Variants in RBM11 observed in about 807,000 individuals in gnomAD.
RBM11 encodes RNA binding motif protein 11.
RBM11 carries 18 observed loss-of-function variants against 21.4 expected under a neutral mutation model. That is an observed-to-expected ratio of 0.84 (90% CI 0.58 to 1.25). The LOEUF (loss-of-function observed/expected upper bound fraction) is 1.25, where lower values mean the gene tolerates loss of function less well. Ranked by LOEUF, RBM11 falls within the 50% of genes most tolerant of loss-of-function variation. The pLI is 0.00. For synonymous variants in RBM11, 120 were observed against 116.3 expected (o/e 1.03, Z -0.20); for missense variants, 294 against 331.9 (o/e 0.89, Z 0.89).
At position 14,227,081 on chromosome 21, in the gene RBM11, G is replaced by A. The variant is rs749773783; in HGVS notation, c.634G>A (p.Val212Met). ...AGCTCCACTTCCTAATAGTGCATCC[G>A]TGTCTTCCTCACTGAATCATGTTCC... Reference protein sequence around the residue: ...MTAPLPNSASVSSSLNHVPDL... With the variant: ...MTAPLPNSASMSSSLNHVPDL... Residue 212 changes from valine (V) to methionine (M), a missense_variant, in exon 5 of 5, where the codon GTG (valine) becomes ATG (methionine). Physicochemically the swap from Val to Met is conservative, Grantham distance 21 (BLOSUM62 1). Transcript: ENST00000400577. The A allele has an allele frequency of 1.8e-5, 29 of 1,612,974 alleles. No homozygotes were observed. Among genetic ancestry groups the A allele is most frequent in the African/African-American group, 9.4e-5 (7 of 74,612 alleles).
At chr21:14,219,826 A>T (rs1448879806) in intron 2 of RBM11, 101 bp downstream of exon 2, 2 of 962,856 alleles carry the variant, frequency 2.1e-6, no homozygotes, top group Non-Finnish European at 2.8e-6. Context: ...ACCAAAACAA[A>T]AAAAAGTACC....
intron 1 of RBM11, 113 bp downstream of exon 1, chr21:14,216,395 T>A (rs1232712615): frequency 2.4e-6 from 2 of 841,686 alleles, no homozygotes; most frequent in Non-Finnish European, 3.7e-6. Flanking sequence ...TGAGCAGGGG[T>A]TTTAATTTCG....
At chr21:14,218,102 A>C (rs1433700420) in intron 1 of RBM11, among the ~76,000 whole-genome samples, 2 of 152,124 alleles carry the variant, frequency 1.3e-5, no homozygotes, top group Admixed American at 6.5e-5. Context: ...CAACTATCAC[A>C]CTATGTATTT....
chr21:14,220,775 A>G lies in RBM11; in HGVS notation c.260-322A>G, dbSNP rs575988675. On this transcript the variant is annotated intron_variant, in intron 2 of 4. Transcript: ENST00000400577. ...CCTGCCTTGTACACTGGAAACAAAT[A>G]ACACTTGTTTATTTGCCATTTTTAG... Among the ~76,000 whole-genome samples the G allele has an allele frequency of 6.6e-5, 10 of 152,260 alleles. No individual in the cohort carries two copies. The South Asian group carries it at 2.1e-3, about 32-fold the overall frequency.
intron 4 of RBM11, among the ~76,000 whole-genome samples, chr21:14,226,519 C>T (rs187367604): frequency 0.015 from 2,239 of 150,798 alleles, 51 homozygotes; most frequent in African/African-American, 0.05. Context: ...CTTGGGAGGC[C>T]GAGACAGGAG....
intron 3 of RBM11, among the ~76,000 whole-genome samples, chr21:14,223,462 C>A (rs1309765881): frequency 3.3e-5 from 5 of 152,122 alleles, no homozygotes; most frequent in African/African-American, 1.2e-4. Flanking sequence ...TCTCATAGTT[C>A]TGAAGGCTAG....
At chr21:14,220,140 G>A (rs1978538068) in intron 2 of RBM11, among the ~76,000 whole-genome samples, 1 of 152,134 alleles carries the variant, frequency 6.6e-6, no homozygotes, top group Non-Finnish European at 1.5e-5. Flanking sequence ...AGGGCATTTA[G>A]TCCTTCTGGG....
Position 14,226,956 on chromosome 21 carries a change from T to G in RBM11, c.509T>G (p.Val170Gly). Residue 170 changes from valine to glycine, a missense_variant, in exon 5 of 5, where the codon GTG (valine) becomes GGG (glycine). By Grantham distance (109) the Val-to-Gly change is moderately radical. Transcript: ENST00000400577. ...GCTCCACTTCCTAATAGTGCATCCGTGTCTTCCTCACTGAATCATGTTCCA... is the reference window on the plus strand; with the variant it reads ...GCTCCACTTCCTAATAGTGCATCCGGGTCTTCCTCACTGAATCATGTTCCA... The part of the protein sequence containing the change: ...MTAPLPNSAS[V>G]SSSLNHVPDL... 6.2e-7 allele frequency: 1 copy of G among 1,613,558 alleles called. No homozygotes were observed. The highest frequency in any genetic ancestry group is 8.5e-7 in the Non-Finnish European group (1 of 1,179,636).
chr21:14,223,000 C>T (rs771910594), intron 3 of RBM11, among the ~76,000 whole-genome samples: 2 of 152,146 alleles, frequency 1.3e-5, no homozygotes, highest in African/African-American at 2.4e-5. Flanking sequence ...GGTATCTCTT[C>T]TTCCTCAGGA....
chr21:14,221,372 G>T, intron 3 of RBM11: 1 of 526,722 alleles, frequency 1.9e-6, no homozygotes, highest in Non-Finnish European at 3.0e-6. Context: ...CAGTAGTAGG[G>T]GGTAGAGACT....
In RBM11 at chr21:14,224,275, T is replaced by G. The variant is rs1053682801; in HGVS notation, c.333-163T>G. On this transcript the variant is annotated intron_variant, in intron 3 of 4. Coordinates refer to ENST00000400577, the MANE Select transcript of RBM11 (RefSeq NM_144770.5). The stretch of plus-strand genomic sequence containing the variant: ...ATTTAGGACTTTAACAGCTGAATTT[T>G]GGGGAGACATGTCAGCCCATCACAC... The G allele has an allele frequency of 5.6e-6, 6 of 1,063,902 alleles. No homozygotes were observed. The African/African-American group carries it at 8.1e-5, about 14-fold the overall frequency. The allele number at this position is 1,063,902 out of a possible 1,614,324, so 65.9% of individuals were successfully genotyped here.
chr21:14,223,468 G>T (rs1299523240), intron 3 of RBM11, among the ~76,000 whole-genome samples: 1 of 152,206 alleles, frequency 6.6e-6, no homozygotes, highest in East Asian at 1.9e-4. Flanking sequence ...AGTTCTGAAG[G>T]CTAGACATCC....
rs1298955231 is a variant in RBM11 at position 14,216,281 on chromosome 21, A to G, written c.95A>G (p.Gln32Arg). The G allele has an allele frequency of 6.2e-7, 1 of 1,612,902 alleles. No homozygotes were observed. The highest frequency in any genetic ancestry group is 8.5e-7 in the Non-Finnish European group (1 of 1,179,450). ...GAGATTCTGTACGAGCTGTTCCTTC[A>G]GGTACCGTCTCTGGGAAGGGGCGGC... Reference protein sequence around the residue: ...REEILYELFLQAGPLTKVTIC... With the variant: ...REEILYELFLRAGPLTKVTIC... Residue 32 changes from glutamine to arginine, a missense_variant and splice_region_variant, in exon 1 of 5, where the codon CAG becomes CGG. Coordinates refer to ENST00000400577, the MANE Select transcript of RBM11 (RefSeq NM_144770.5).
chr21:14,219,584 A>G lies in RBM11; in HGVS notation c.118A>G (p.Thr40Ala). 3 of 1,557,770 alleles carry G rather than the reference A, an allele frequency of 1.9e-6. No individual in the cohort carries two copies. The highest frequency in any genetic ancestry group is 2.6e-6 in the Non-Finnish European group (3 of 1,144,600). Residue 40 changes from threonine to alanine, a missense_variant, in exon 2 of 5, where the codon ACT becomes GCT. Coordinates refer to ENST00000400577, the MANE Select transcript of RBM11 (RefSeq NM_144770.5). ...ATAGGCGGGGCCACTAACCAAAGTGACTATATGCAAAGACAGAGAAGGAAA... is the reference window on the plus strand; with the variant it reads ...ATAGGCGGGGCCACTAACCAAAGTGGCTATATGCAAAGACAGAGAAGGAAA... ...FLQAGPLTKV[T>A]ICKDREGKPK...
chr21:14,220,606 C>T (rs927443075), intron 2 of RBM11, among the ~76,000 whole-genome samples: 3 of 152,128 alleles, frequency 2.0e-5, no homozygotes, highest in Admixed American at 6.5e-5. Context: ...TTCTGGTTAA[C>T]TTACACAACC....
rs1455542358 is a variant in RBM11 at position 14,227,506 on chromosome 21, A to G, written c.*213A>G. 1 of 543,818 alleles carries G rather than the reference A, an allele frequency of 1.8e-6. No individual in the cohort carries two copies. 33.7% of individuals were successfully genotyped at this position (543,818 alleles called of 1,614,324 possible). On this transcript the variant is annotated 3_prime_UTR_variant, in exon 5 of 5. Transcript: ENST00000400577. ...TGTACCACTTTTTGTATTTGTCATG[A>G]TATTTTTGACCCATTGGCAACAAAT...
At chr21:14,219,844 T>G (rs1206900273) in intron 2 of RBM11, 119 bp downstream of exon 2, 12 of 736,334 alleles carry the variant, frequency 1.6e-5, no homozygotes, top group Non-Finnish European at 1.8e-5. Flanking sequence ...ACCTTCTACC[T>G]TCTGGTCATT....
intron 1 of RBM11, among the ~76,000 whole-genome samples, chr21:14,217,548 G>A (rs893806486): frequency 4.0e-5 from 6 of 151,894 alleles, no homozygotes; most frequent in African/African-American, 1.5e-4. Flanking sequence ...GTTCTTTCCA[G>A]GAATACAGTT....
At position 14,219,570 on chromosome 21, in the gene RBM11, C is replaced by T. The variant is rs762067563; in HGVS notation, c.104C>T (p.Pro35Leu). ...ILYELFLQAG[P>L]LTKVTICKDR... ...TTTTTAAGTTTCTTATAGGCGGGGC[C>T]ACTAACCAAAGTGACTATATGCAAA... Residue 35 changes from proline to leucine, a missense_variant, in exon 2 of 5, where the codon CCA becomes CTA. Transcript: ENST00000400577. 2 of 1,512,836 alleles carry T rather than the reference C, an allele frequency of 1.3e-6. No homozygotes were observed. The highest frequency in any genetic ancestry group is 2.6e-5 in the South Asian group (2 of 77,886). The allele number at this position is 1,512,836 out of a possible 1,614,324, so 93.7% of individuals were successfully genotyped here.
Sources: allele counts gnomAD v4.1 joint callset (sites outside exome capture counted in the v4.1 genomes callset), GRCh38; gene constraint gnomAD v4.1.1; transcripts MANE v1.5; gene names NCBI Gene and HGNC (gene_info 2026-07-23, HGNC 2026-07-21).